RBFOX1: variants seen among roughly 807,000 people sequenced by gnomAD.
RBFOX1 encodes the protein RNA binding protein fox-1 homolog 1.
In RBFOX1, 8 loss-of-function variants were observed where a neutral mutation model predicts 57.7. The ratio of observed to expected loss-of-function variants is 0.14; its 90% CI spans 0.08 to 0.25. The LOEUF (loss-of-function observed/expected upper bound fraction) is 0.25. Among genes scored for constraint, RBFOX1 ranks in the 10% least tolerant of loss-of-function variants. The pLI is 1.00. For synonymous variants in RBFOX1, 326 were observed against 222.4 expected (o/e 1.47, Z -4.15); for missense variants, 611 against 548.5 (o/e 1.11, Z -1.14).
intron 4 of RBFOX1, among the ~76,000 whole-genome samples, chr16:7,160,695 T>C (rs2078124260): frequency 6.6e-6 from 1 of 152,088 alleles, no homozygotes; most frequent in Non-Finnish European, 1.5e-5. Flanking sequence ...CTGGGGGGTT[T>C]TTCTGTAACT....
intron 4 of RBFOX1, among the ~76,000 whole-genome samples, chr16:7,144,507 C>T (rs903725355): frequency 6.9e-6 from 1 of 144,746 alleles, no homozygotes; most frequent in African/African-American, 2.5e-5. Context: ...TCACTGCAGC[C>T]TTAACGTCCC....
At chr16:6,539,771 C>T (rs1259497912) in intron 2 of RBFOX1, among the ~76,000 whole-genome samples, 1 of 130,580 alleles carries the variant, frequency 7.7e-6, no homozygotes, top group Non-Finnish European at 1.7e-5. Flanking sequence ...GCACTCCAGC[C>T]TAGGCGGCAG....
intron 4 of RBFOX1, among the ~76,000 whole-genome samples, chr16:7,143,102 G>T (rs1449941828): frequency 2.0e-5 from 3 of 152,024 alleles, no homozygotes; most frequent in African/African-American, 7.3e-5. Context: ...TTTGACATTT[G>T]CAAAATGTTT....
intron 5 of RBFOX1, among the ~76,000 whole-genome samples, chr16:7,555,453 C>T (rs745887788): frequency 2.0e-5 from 3 of 152,094 alleles, no homozygotes; most frequent in Non-Finnish European, 1.5e-5. Flanking sequence ...TTAGAGGAAG[C>T]GGGGAAAAGG....
rs5815400 is a variant in RBFOX1, at chr16:7,395,161, AT to A, written c.28-122972del. 5.2e-3 allele frequency among the ~76,000 whole-genome samples: 750 copies of A among 143,944 alleles called. 4 individuals are homozygous for A. Among genetic ancestry groups the A allele is most frequent in the East Asian group, 0.039 (190 of 4,930 alleles). 94.4% of individuals were successfully genotyped at this position (143,944 alleles called of 152,430 possible). ...GACTACAGCATATTTCCAAGTGTGGATTTTTTTTTTTTTTCCCTGACAGCCA... is the reference window on the plus strand; with the variant it reads ...GACTACAGCATATTTCCAAGTGTGGATTTTTTTTTTTTTCCCTGACAGCCA... On this transcript the variant is annotated intron_variant, in intron 4 of 15. Transcript: ENST00000550418.
intron 3 of RBFOX1, among the ~76,000 whole-genome samples, chr16:5,827,403 G>GAA (rs60597828): frequency 7.3e-6 from 1 of 137,666 alleles, no homozygotes; most frequent in Non-Finnish European, 1.6e-5. Context: ...CCATCTCAGG[G>GAA]AAAAAAAAAA....
intron 1 of RBFOX1, among the ~76,000 whole-genome samples, chr16:5,352,769 C>T (rs934434357): frequency 6.6e-6 from 1 of 151,940 alleles, no homozygotes. Context: ...ATGGCAGAAA[C>T]CTGTCCCTAC....
rs61508952 is a variant in RBFOX1, at chr16:6,436,511, C to CTTT, written c.-64+119472_-64+119474dup. 9.6e-3 allele frequency among the ~76,000 whole-genome samples: 994 copies of CTTT among 103,316 alleles called. 12 individuals are homozygous for CTTT. Among genetic ancestry groups the CTTT allele is most frequent in the Middle Eastern group, 0.062 (10 of 162 alleles). The allele number at this position is 103,316 out of a possible 152,430, so 67.8% of individuals were successfully genotyped here. A position where few individuals can be genotyped will look rare whatever the true frequency, so the allele number is the denominator to read the frequency against. ...CAGTATCCTGCCTGGTTTTTCTTCA[C>CTTT]TTTTTTTTTTTTTTTTTTTTGCCTT... On this transcript the variant is annotated intron_variant, in intron 2 of 15. Coordinates refer to ENST00000550418, the MANE Select transcript of RBFOX1 (RefSeq NM_018723.4).
intron 2 of RBFOX1, among the ~76,000 whole-genome samples, chr16:6,521,069 C>A (rs935474942): frequency 2.0e-5 from 3 of 152,146 alleles, no homozygotes; most frequent in Non-Finnish European, 2.9e-5. Flanking sequence ...AGCAATTCCA[C>A]GCACAGGAAT....
intron 4 of RBFOX1, among the ~76,000 whole-genome samples, chr16:7,061,465 G>T (rs999152467): frequency 6.6e-6 from 1 of 152,044 alleles, no homozygotes; most frequent in Admixed American, 6.6e-5. Context: ...AAGTGTACAG[G>T]TGTCCACTTT....
At chr16:6,956,507 T>G (rs1049855118) in intron 3 of RBFOX1, among the ~76,000 whole-genome samples, 2 of 152,032 alleles carry the variant, frequency 1.3e-5, no homozygotes, top group Non-Finnish European at 2.9e-5. Flanking sequence ...AATTTCAGAG[T>G]AAACCTGGAG....
chr16:6,645,083 C>G (rs1229331829), intron 2 of RBFOX1, among the ~76,000 whole-genome samples: 1 of 152,186 alleles, frequency 6.6e-6, no homozygotes, highest in Non-Finnish European at 1.5e-5. Flanking sequence ...TTGCCTCTTC[C>G]AGTGTCTGGT....
At chr16:6,535,970 C>G (rs1000240285) in intron 2 of RBFOX1, among the ~76,000 whole-genome samples, 4 of 152,184 alleles carry the variant, frequency 2.6e-5, no homozygotes, top group African/African-American at 9.7e-5. Context: ...TCTTTAGTTT[C>G]TATCCAACGA....
intron 2 of RBFOX1, among the ~76,000 whole-genome samples, chr16:6,448,740 T>A (rs981683273): frequency 1.3e-5 from 2 of 152,202 alleles, no homozygotes; most frequent in African/African-American, 4.8e-5. Flanking sequence ...TGAAAGTATA[T>A]GTGCTTCAGT....
At chr16:6,974,773 C>T (rs1394288340) in intron 3 of RBFOX1, among the ~76,000 whole-genome samples, 1 of 152,048 alleles carries the variant, frequency 6.6e-6, no homozygotes, top group African/African-American at 2.4e-5. Context: ...CCAGAAAACC[C>T]CCTGTGTTTG....
chr16:6,427,368 GT>G (rs1375388429), intron 2 of RBFOX1, among the ~76,000 whole-genome samples: 1 of 152,168 alleles, frequency 6.6e-6, no homozygotes, highest in Non-Finnish European at 1.5e-5. Context: ...ATAGGAAACG[GT>G]TCCCACATTG....
intron 3 of RBFOX1, among the ~76,000 whole-genome samples, chr16:6,930,704 C>G (rs766859790): frequency 6.6e-6 from 1 of 152,168 alleles, no homozygotes; most frequent in Non-Finnish European, 1.5e-5. Context: ...GCCCCTGTGC[C>G]TGGCCTAATT....
chr16:6,540,688 G>T (rs1372709136), intron 2 of RBFOX1, among the ~76,000 whole-genome samples: 1 of 149,980 alleles, frequency 6.7e-6, no homozygotes, highest in Non-Finnish European at 1.5e-5. Flanking sequence ...AATCTGTGGT[G>T]TCTGTGTTGA....
intron 4 of RBFOX1, among the ~76,000 whole-genome samples, chr16:7,410,198 G>T (rs999166803): frequency 6.6e-6 from 1 of 152,212 alleles, no homozygotes; most frequent in Admixed American, 6.5e-5. Flanking sequence ...CATCTGCGCT[G>T]GGTGACCGCT....
Sources: allele counts gnomAD v4.1 joint callset (sites outside exome capture counted in the v4.1 genomes callset), GRCh38; gene constraint gnomAD v4.1.1; transcripts MANE v1.5; gene names NCBI Gene and HGNC (gene_info 2026-07-23, HGNC 2026-07-21).